The following ARRDC5 variants were observed in gnomAD, a reference collection of about 807,000 sequenced individuals.
ARRDC5 encodes the protein arrestin domain-containing protein 5.
ARRDC5 carries 12 observed loss-of-function variants against 13.3 expected under a neutral mutation model. The observed-to-expected ratio is 0.90, with a 90% CI of 0.58 to 1.46. ARRDC5 has a LOEUF of 1.46. Among genes scored for constraint, ARRDC5 ranks in the 40% most tolerant of loss-of-function variants. The pLI is 0.00. For synonymous variants in ARRDC5, 181 were observed against 173.4 expected (o/e 1.04, Z -0.34); for missense variants, 406 against 418.7 (o/e 0.97, Z 0.26).
Position 4,891,890 on chromosome 19 carries a change from G to T in ARRDC5, c.460-317C>A, listed in dbSNP as rs1385958762. 6.0e-5 allele frequency among the ~76,000 whole-genome samples: 9 copies of T among 150,250 alleles called. No homozygotes were observed. In the East Asian group the frequency reaches 1.8e-3, roughly 30 times the overall value. ...GAATCTCTTGAACCCGGGAGGTGGA[G>T]GTTGCAGTGAGCCGAGATTGTGTGA... On this transcript the variant is annotated intron_variant, in intron 2 of 2. Coordinates refer to ENST00000650722, the MANE Select transcript of ARRDC5 (RefSeq NM_001080523.3).
At chr19:4,910,339 C>CGGGGGGGGCCGGCAAGG in the ARRDC5 span, 1 of 53,376 alleles carries the variant, frequency 1.9e-5, no homozygotes, top group Non-Finnish European at 4.2e-5. Flanking sequence ...CGCACGCGCG[C>CGGGGGGGGCCGGCAAGG]GGGGGGGGCC....
the ARRDC5 span, chr19:4,911,131 C>T: frequency 4.7e-6 from 6 of 1,263,660 alleles, no homozygotes; most frequent in African/African-American, 3.0e-5. Context: ...CCACCTCCCC[C>T]CCCAACAACC....
chr19:4,892,502 C>A (rs754500746), intron 2 of ARRDC5, among the ~76,000 whole-genome samples: 123 of 150,690 alleles, frequency 8.2e-4, no homozygotes, highest in Non-Finnish European at 9.2e-4. Flanking sequence ...GTAGCAGGGA[C>A]CACAGGCATG....
At chr19:4,914,236 A>C in the ARRDC5 span, among the ~76,000 whole-genome samples, 2 of 152,046 alleles carry the variant, frequency 1.3e-5, no homozygotes, top group African/African-American at 4.8e-5. Flanking sequence ...GGCAGCAGGG[A>C]GGTTTGGACA....
chr19:4,907,139 T>G (rs555882918), upstream of ARRDC5, among the ~76,000 whole-genome samples: 2 of 152,342 alleles, frequency 1.3e-5, no homozygotes, highest in Admixed American at 6.5e-5. Context: ...TGATAGAGCC[T>G]TGCTCTGTCA....
chr19:4,916,384 G>A, the ARRDC5 span, among the ~76,000 whole-genome samples: 3 of 151,750 alleles, frequency 2.0e-5, no homozygotes, highest in South Asian at 6.2e-4. Context: ...TCTTTTAGCT[G>A]TCAACATGGC....
upstream of ARRDC5, among the ~76,000 whole-genome samples, chr19:4,907,774 G>A (rs563730249): frequency 4.3e-5 from 6 of 139,768 alleles, no homozygotes; most frequent in East Asian, 2.2e-4. Context: ...GTGCAATGGC[G>A]CGATCTTGGC....
Position 4,902,837 on chromosome 19 carries a change from G to A in ARRDC5, c.-12C>T. ...TTCACCACAGACATGGGGGGTTGGG[G>A]GGTAGAGAGACATTCCTCTCTGTCC... On this transcript the variant is annotated 5_prime_UTR_variant, in exon 1 of 3. Transcript: ENST00000650722. 1 of 1,613,812 alleles carries A rather than the reference G, an allele frequency of 6.2e-7. No homozygotes were observed. The highest frequency in any genetic ancestry group is 1.3e-5 in the African/African-American group (1 of 74,982).
chr19:4,896,387 C>CTTTT (rs2031732736), intron 2 of ARRDC5, among the ~76,000 whole-genome samples: 1 of 128,074 alleles, frequency 7.8e-6, no homozygotes, highest in African/African-American at 2.8e-5. Flanking sequence ...CACACACACA[C>CTTTT]ACACACACAC....
chr19:4,901,689 C>T (rs974162197), intron 1 of ARRDC5, among the ~76,000 whole-genome samples: 1 of 152,070 alleles, frequency 6.6e-6, no homozygotes, highest in African/African-American at 2.4e-5. Context: ...ACACTTTGTT[C>T]AGCCAAGTGT....
chr19:4,896,329 A>AAAATATATAT (rs1371235915), intron 2 of ARRDC5, among the ~76,000 whole-genome samples: 2 of 73,394 alleles, frequency 2.7e-5, no homozygotes, highest in African/African-American at 1.2e-4. Context: ...AAAAAAAAAA[A>AAAATATATAT]ATATATATAT....
At chr19:4,895,224 C>G (rs748833464) in intron 2 of ARRDC5, among the ~76,000 whole-genome samples, 1 of 151,684 alleles carries the variant, frequency 6.6e-6, no homozygotes, top group Non-Finnish European at 1.5e-5. Flanking sequence ...GAGTTTAAGA[C>G]CAGCCTGGCC....
At chr19:4,913,733 G>T in the ARRDC5 span, among the ~76,000 whole-genome samples, 1 of 149,608 alleles carries the variant, frequency 6.7e-6, no homozygotes, top group Non-Finnish European at 1.5e-5. Context: ...GTTATGAAAA[G>T]ATTCAGTGTT....
chr19:4,916,305 CA>C, the ARRDC5 span, among the ~76,000 whole-genome samples: 1,548 of 124,508 alleles, frequency 0.012, 20 homozygotes, highest in African/African-American at 0.034. Flanking sequence ...GACTTTGTCT[CA>C]AAAAAAAAAA....
the ARRDC5 span, among the ~76,000 whole-genome samples, chr19:4,912,762 T>G: frequency 5.3e-5 from 8 of 152,224 alleles, no homozygotes; most frequent in South Asian, 2.1e-4. Context: ...ATTGATTTTT[T>G]TTGTTGTTGT....
At chr19:4,891,933 C>A (rs2031526503) in intron 2 of ARRDC5, among the ~76,000 whole-genome samples, 2 of 135,864 alleles carry the variant, frequency 1.5e-5, no homozygotes, top group African/African-American at 2.9e-5. Context: ...TCAGCCAGGG[C>A]TACAGAGCAA....
In ARRDC5 at chr19:4,896,658, C is replaced by G. The variant is rs1288807995; in HGVS notation, c.459+13G>C. 1.9e-6 allele frequency: 3 copies of G among 1,591,216 alleles called. No individual in the cohort carries two copies. In the East Asian group the frequency reaches 6.7e-5, roughly 36 times the overall value. ...GGAGATTGTTCCCACCTCCACCTTT[C>G]CCCCATCGGTACCTGGAATGGGGTT... On this transcript the variant is annotated intron_variant, in intron 2 of 2. Coordinates refer to ENST00000650722, the MANE Select transcript of ARRDC5 (RefSeq NM_001080523.3).
At chr19:4,896,592 G>C in intron 2 of ARRDC5, 79 bp downstream of exon 2, 1 of 1,104,174 alleles carries the variant, frequency 9.1e-7, no homozygotes, top group East Asian at 2.4e-5. Flanking sequence ...GACCTTCTCT[G>C]TCCCCTGCCT....
At chr19:4,894,041 C>A (rs1285783297) in intron 2 of ARRDC5, among the ~76,000 whole-genome samples, 6 of 106,826 alleles carry the variant, frequency 5.6e-5, no homozygotes, top group Non-Finnish European at 1.1e-4. Flanking sequence ...GAGCAAGACT[C>A]TGCCTAAAAA....
Sources: gnomAD v4.1 joint callset for allele counts (sites outside exome capture counted in the v4.1 genomes callset) on GRCh38, gnomAD v4.1.1 for gene constraint, MANE v1.5 for transcripts, NCBI Gene and HGNC (gene_info 2026-07-23, HGNC 2026-07-21) for gene names.